ING5: variants seen among roughly 807,000 people sequenced by gnomAD.
ING5 encodes inhibitor of growth protein 5.
In ING5, 17 loss-of-function variants were observed where a neutral mutation model predicts 37.4. That is an observed-to-expected ratio of 0.45 (90% confidence interval 0.31 to 0.68). The LOEUF (loss-of-function observed/expected upper bound fraction) is 0.68. Among genes scored for constraint, ING5 ranks in the 30% least tolerant of loss-of-function variants. The pLI is 0.05. For synonymous variants in ING5, 123 were observed against 116.6 expected (o/e 1.06, Z -0.36); for missense variants, 233 against 311.9 (o/e 0.75, Z 1.91).
At position 241,725,351 on chromosome 2, in the gene ING5, A is replaced by T; in HGVS notation, c.*320A>T. 1 of 361,142 alleles carries T rather than the reference A, an allele frequency of 2.8e-6. No individual in the cohort carries two copies. Among genetic ancestry groups the T allele is most frequent in the South Asian group, 2.7e-5 (1 of 36,952 alleles). 22.4% of individuals were successfully genotyped at this position (361,142 alleles called of 1,614,324 possible). Reference sequence around the variant, plus strand: ...CGGGCGTGCGGGCGGGGACATGGTAACCTGGTCCACGGAGGGCGGCCGCCA... The same window carrying T: ...CGGGCGTGCGGGCGGGGACATGGTATCCTGGTCCACGGAGGGCGGCCGCCA... On this transcript the variant is annotated 3_prime_UTR_variant, in exon 8 of 8. Transcript: ENST00000313552.
At chr2:241,716,281 CTTTTTTTTTTTT>C in intron 5 of ING5, among the ~76,000 whole-genome samples, 1 of 73,662 alleles carries the variant, frequency 1.4e-5, no homozygotes, top group African/African-American at 6.3e-5. Flanking sequence ...ATTAGCCATG[CTTTTTTTTTTTT>C]TTTTTTTTTT....
At position 241,726,097 on chromosome 2, in the gene ING5, G is replaced by A. The variant is rs1691611232; in HGVS notation, c.*1066G>A. ...CTATGCAGATTTGCTCTGTTGTGAC[G>A]CGTTGGTGACGGTGCCCAGCCTGCG... On this transcript the variant is annotated 3_prime_UTR_variant, in exon 8 of 8. Coordinates refer to ENST00000313552, the MANE Select transcript of ING5 (RefSeq NM_032329.6). 6.6e-6 allele frequency: 1 copy of A among 152,604 alleles called. No individual in the cohort carries two copies. The highest frequency in any genetic ancestry group is 1.5e-5 in the Non-Finnish European group (1 of 68,038). The allele number at this position is 152,604 out of a possible 1,614,324, so 9.5% of individuals were successfully genotyped here. A position where few individuals can be genotyped will look rare whatever the true frequency, so the allele number is the denominator to read the frequency against.
At chr2:241,709,555 G>GTT (rs10629648) in intron 3 of ING5, among the ~76,000 whole-genome samples, 173 bp downstream of exon 3, 53,782 of 129,730 alleles carry the variant, frequency 0.41, 11,768 homozygotes, top group Middle Eastern at 0.5. Context: ...GACCATCCCT[G>GTT]TTTTTTTTTT....
intron 7 of ING5, among the ~76,000 whole-genome samples, chr2:241,724,360 G>C (rs549551427): frequency 1.3e-3 from 205 of 152,316 alleles, no homozygotes; most frequent in Non-Finnish European, 2.1e-3. Flanking sequence ...TTTGAGAAGG[G>C]GTACGGAGGC....
chr2:241,707,922 G>A (rs542695962), intron 2 of ING5, among the ~76,000 whole-genome samples: 21 of 151,788 alleles, frequency 1.4e-4, no homozygotes, highest in Admixed American at 9.8e-4. Context: ...TTTCTGAGAC[G>A]GAGTCTCGCT....
chr2:241,706,318 A>G (rs1312880870), intron 2 of ING5, among the ~76,000 whole-genome samples: 2 of 152,080 alleles, frequency 1.3e-5, no homozygotes, highest in African/African-American at 2.4e-5. Context: ...GGTTCCTGAA[A>G]AAAAGGCACA....
At chr2:241,709,462 G>A (rs1316513549) in intron 3 of ING5, 80 bp downstream of exon 3, 26 of 1,382,706 alleles carry the variant, frequency 1.9e-5, no homozygotes, top group Non-Finnish European at 2.2e-5. Flanking sequence ...AAAACTGCCC[G>A]GAAATGGGCA....
Position 241,725,919 on chromosome 2 carries a change from C to G in ING5, c.*888C>G, listed in dbSNP as rs1336514125. The G allele has an allele frequency of 6.6e-6, 1 of 152,646 alleles. No individual in the cohort carries two copies. The highest frequency in any genetic ancestry group is 2.4e-5 in the African/African-American group (1 of 41,448). 9.5% of individuals were successfully genotyped at this position (152,646 alleles called of 1,614,324 possible). A position where few individuals can be genotyped will look rare whatever the true frequency, so the allele number is the denominator to read the frequency against. On this transcript the variant is annotated 3_prime_UTR_variant, in exon 8 of 8. Transcript: ENST00000313552. The stretch of plus-strand genomic sequence containing the variant: ...TGTGCATTCCCAGGCCCGCAGCTCC[C>G]GGTCGAGGGGACTCCGATGTGAATT...
intron 5 of ING5, chr2:241,720,876 G>A (rs537761905): frequency 2.2e-5 from 22 of 985,664 alleles, no homozygotes; most frequent in African/African-American, 1.4e-4. Context: ...ACGCCATGGC[G>A]CTCCCTCAGG....
rs188594206 is a variant in ING5, at chr2:241,690,508, C to T, written c.-103C>T. 1.8e-4 allele frequency: 70 copies of T among 397,460 alleles called. No individual in the cohort carries two copies. The East Asian group carries it at 2.5e-3, about 14-fold the overall frequency. The allele number at this position is 397,460 out of a possible 1,614,324, so 24.6% of individuals were successfully genotyped here. On this transcript the variant is annotated 5_prime_UTR_variant, in exon 2 of 8. Transcript: ENST00000636051. ...ACACCCCAGCCTGCTGACCTCAGCC[C>T]TGGCGTGGGCATAGGAGGGTCTGCG... is the stretch of plus-strand genomic sequence containing the variant.
rs563464412 is a variant in ING5, at chr2:241,725,231, C to T, written c.*200C>T. On this transcript the variant is annotated 3_prime_UTR_variant, in exon 8 of 8. Transcript: ENST00000313552. Reference sequence around the variant, plus strand: ...GGGCGACCTTGCAGGGACTCGCCGCCGCGACCTCAGTGTGGCTTTTACAGG... The same window carrying T: ...GGGCGACCTTGCAGGGACTCGCCGCTGCGACCTCAGTGTGGCTTTTACAGG... 5.0e-4 allele frequency: 305 copies of T among 612,806 alleles called. 1 individual carries two copies. The East Asian group carries it at 7.8e-3, about 16-fold the overall frequency. 38.0% of individuals were successfully genotyped at this position (612,806 alleles called of 1,614,324 possible).
Position 241,727,355 on chromosome 2 carries a change from C to T in ING5, c.*2324C>T. ...TTGAAACGGAGTTTTGCTCTGTCAC[C>T]CAGGCTGGAATGCAATGGCACCATC... On this transcript the variant is annotated 3_prime_UTR_variant, in exon 8 of 8. Transcript: ENST00000313552. 1 of 152,150 alleles carries T rather than the reference C, an allele frequency of 6.6e-6. No homozygotes were observed. Among genetic ancestry groups the T allele is most frequent in the Admixed American group, 6.6e-5 (1 of 15,262 alleles). 9.4% of individuals were successfully genotyped at this position (152,150 alleles called of 1,614,324 possible). A position where few individuals can be genotyped will look rare whatever the true frequency, so the allele number is the denominator to read the frequency against.
intron 5 of ING5, among the ~76,000 whole-genome samples, chr2:241,715,560 G>A (rs2070242003): frequency 7.3e-6 from 1 of 137,004 alleles, no homozygotes; most frequent in Non-Finnish European, 1.5e-5. Context: ...TTGGCTCACT[G>A]CAACCTCCAC....
At chr2:241,707,936 C>G (rs1334680743) in intron 2 of ING5, among the ~76,000 whole-genome samples, 1 of 152,044 alleles carries the variant, frequency 6.6e-6, no homozygotes, top group African/African-American at 2.4e-5. Flanking sequence ...TCTCGCTTTA[C>G]CATCAGGCTG....
upstream of ING5, among the ~76,000 whole-genome samples, chr2:241,698,920 G>T (rs1045391038): frequency 6.6e-6 from 1 of 152,064 alleles, no homozygotes; most frequent in Non-Finnish European, 1.5e-5. Context: ...TAGAGATGGG[G>T]TTTCTCTGTA....
chr2:241,719,191 G>A (rs566475722), intron 5 of ING5, among the ~76,000 whole-genome samples: 4 of 152,204 alleles, frequency 2.6e-5, no homozygotes, highest in Non-Finnish European at 5.9e-5. Flanking sequence ...CCCCTTGCTC[G>A]AGAACTCCGA....
intron 2 of ING5, among the ~76,000 whole-genome samples, chr2:241,706,233 G>T (rs1017603531): frequency 1.3e-5 from 2 of 152,060 alleles, no homozygotes; most frequent in African/African-American, 4.8e-5. Flanking sequence ...TTCAGTGTGG[G>T]ACCCTCTTCC....
At chr2:241,710,303 A>G (rs980950481) in intron 3 of ING5, among the ~76,000 whole-genome samples, 2 of 149,256 alleles carry the variant, frequency 1.3e-5, no homozygotes, top group East Asian at 4.0e-4. Flanking sequence ...TTATTTTTGT[A>G]TTATTTATTT....
Position 241,709,409 on chromosome 2 carries a change from C to T in ING5, c.276+27C>T, listed in dbSNP as rs550386974. ...TGAGGGCGGGGCGGGGGCCATGGCT[C>T]TTCCTCTGACCTCTACTCCTGCCTC... On this transcript the variant is annotated intron_variant, in intron 3 of 7. Transcript: ENST00000313552. 5.6e-6 allele frequency: 9 copies of T among 1,597,548 alleles called. No individual in the cohort carries two copies. The Admixed American group carries it at 1.4e-4, about 24-fold the overall frequency.
Sources: allele counts gnomAD v4.1 joint callset (sites outside exome capture counted in the v4.1 genomes callset), GRCh38; gene constraint gnomAD v4.1.1; transcripts MANE v1.5; gene names NCBI Gene and HGNC (gene_info 2026-07-23, HGNC 2026-07-21).